NEGR1: variants seen among roughly 807,000 people sequenced by gnomAD.
NEGR1 encodes the protein neuronal growth regulator 1, also known as IgLON family member 4.
NEGR1 carries 10 observed loss-of-function variants against 40.9 expected under a neutral mutation model. The observed-to-expected ratio is 0.24, with a 90% CI of 0.15 to 0.42. The LOEUF is 0.42. NEGR1 is among the 10% of genes least tolerant of loss of function. The probability of loss-of-function intolerance (pLI) is 1.00; values close to 1 mark genes in which losing one functional copy is unlikely to be tolerated. For synonymous variants in NEGR1, 185 were observed against 166.8 expected (o/e 1.11, Z -0.84); for missense variants, 352 against 438.9 (o/e 0.80, Z 1.77).
At chr1:71,772,470 A>G (rs1183259350) in intron 3 of NEGR1, among the ~76,000 whole-genome samples, 4 of 152,150 alleles carry the variant, frequency 2.6e-5, no homozygotes, top group Non-Finnish European at 5.9e-5. Flanking sequence ...CAGTAATGAC[A>G]CTGAGAAATT....
intron 6 of NEGR1, among the ~76,000 whole-genome samples, chr1:71,447,092 C>A (rs1014782079): frequency 6.6e-6 from 1 of 152,212 alleles, no homozygotes; most frequent in African/African-American, 2.4e-5. Context: ...AGGAGGTGAG[C>A]AGCAGGAGAG....
chr1:71,636,588 T>A (rs1651159143), intron 4 of NEGR1, among the ~76,000 whole-genome samples: 1 of 152,046 alleles, frequency 6.6e-6, no homozygotes, highest in Non-Finnish European at 1.5e-5. Flanking sequence ...TTCCATAAGA[T>A]TCTATCAGGT....
chr1:71,415,041 A>G (rs1322077409), intron 6 of NEGR1, among the ~76,000 whole-genome samples: 2 of 152,094 alleles, frequency 1.3e-5, no homozygotes, highest in Admixed American at 6.6e-5. Flanking sequence ...AGTCAGGCAA[A>G]CAAGTGCACA....
intron 1 of NEGR1, among the ~76,000 whole-genome samples, chr1:72,187,370 A>T (rs1403753517): frequency 6.6e-6 from 1 of 151,534 alleles, no homozygotes; most frequent in Non-Finnish European, 1.5e-5. Context: ...ATCCTAACAC[A>T]GTATTCAAAA....
chr1:71,969,234 C>T (rs544035073), intron 1 of NEGR1, among the ~76,000 whole-genome samples: 41 of 152,184 alleles, frequency 2.7e-4, no homozygotes, highest in African/African-American at 8.2e-4. Context: ...AGGCTGGTCT[C>T]GAACACCTGA....
At chr1:72,230,552 C>T (rs1281684324) in intron 1 of NEGR1, among the ~76,000 whole-genome samples, 1 of 152,044 alleles carries the variant, frequency 6.6e-6, no homozygotes, top group Non-Finnish European at 1.5e-5. Context: ...AGCACTATGC[C>T]CTTTAGCTAG....
intron 4 of NEGR1, among the ~76,000 whole-genome samples, chr1:71,646,197 T>C (rs1362229930): frequency 6.6e-6 from 1 of 151,684 alleles, no homozygotes; most frequent in Non-Finnish European, 1.5e-5. Context: ...GTTTTGTACA[T>C]ATATACACAT....
intron 2 of NEGR1, among the ~76,000 whole-genome samples, chr1:71,849,680 G>T (rs112630677): frequency 0.015 from 2,325 of 152,118 alleles, 53 homozygotes; most frequent in South Asian, 0.1. Flanking sequence ...AATCTATGTG[G>T]CAAACTTGCT....
At chr1:72,003,927 T>C (rs1023741559) in intron 1 of NEGR1, among the ~76,000 whole-genome samples, 1 of 152,092 alleles carries the variant, frequency 6.6e-6, no homozygotes, top group Non-Finnish European at 1.5e-5. Context: ...CCATTTTCTA[T>C]GGAGAAAAGG....
chr1:71,680,241 G>A (rs1040967354), intron 4 of NEGR1, among the ~76,000 whole-genome samples: 2 of 151,934 alleles, frequency 1.3e-5, no homozygotes, highest in African/African-American at 4.8e-5. Context: ...AAGAACATCT[G>A]AGCTTTAAAT....
At chr1:71,825,903 C>T (rs1001829753) in intron 2 of NEGR1, among the ~76,000 whole-genome samples, 3 of 151,900 alleles carry the variant, frequency 2.0e-5, no homozygotes, top group Non-Finnish European at 4.4e-5. Context: ...TATTATTTAG[C>T]CTATCATTCA....
intron 2 of NEGR1, among the ~76,000 whole-genome samples, chr1:71,849,703 A>C (rs149649881): frequency 1.2e-3 from 181 of 152,302 alleles, no homozygotes; most frequent in African/African-American, 4.2e-3. Context: ...TTTTATTTTA[A>C]GAAATTGCCA....
chr1:71,431,560 GTTTATCCATTCATTCA>G (rs1646469537), intron 6 of NEGR1, among the ~76,000 whole-genome samples: 2 of 49,282 alleles, frequency 4.1e-5, no homozygotes, highest in Non-Finnish European at 1.1e-4. Context: ...CCATCCATCT[GTTTATCCATTCATTCA>G]TTCATTCATT....
intron 6 of NEGR1, among the ~76,000 whole-genome samples, chr1:71,503,771 C>T (rs1184017402): frequency 6.6e-6 from 1 of 151,990 alleles, no homozygotes; most frequent in Non-Finnish European, 1.5e-5. Context: ...TAGGACCCAG[C>T]TTTTACACAT....
chr1:72,094,536 C>T (rs1000583267), intron 1 of NEGR1, among the ~76,000 whole-genome samples: 1 of 152,124 alleles, frequency 6.6e-6, no homozygotes, highest in African/African-American at 2.4e-5. Flanking sequence ...CATAACTTAC[C>T]ACCAACAGAC....
intron 4 of NEGR1, among the ~76,000 whole-genome samples, chr1:71,671,532 C>T (rs2101600179): frequency 6.6e-6 from 1 of 152,204 alleles, no homozygotes; most frequent in East Asian, 1.9e-4. Context: ...AGGGAAAAAA[C>T]TATTTTAGGG....
rs59661633 is a variant in NEGR1 at position 72,195,909 on chromosome 1, G to A, written c.176+86410C>T. ...CTGATGTAAGTTTGGGGAAAACTGA[G>A]AGCAGTTTTGTAGACTCAACCCAAA... On this transcript the variant is annotated intron_variant, in intron 1 of 6. Transcript: ENST00000357731. Among the ~76,000 whole-genome samples, 161 of 152,094 alleles carry A rather than the reference G, an allele frequency of 1.1e-3. 1 individual carries two copies. The highest frequency in any genetic ancestry group is 3.6e-3 in the African/African-American group (149 of 41,500).
chr1:72,109,351 A>C (rs1245872464), intron 1 of NEGR1, among the ~76,000 whole-genome samples: 1 of 151,706 alleles, frequency 6.6e-6, no homozygotes, highest in Non-Finnish European at 1.5e-5. Flanking sequence ...GAGAAAGAAG[A>C]GTCATAAATA....
At chr1:72,064,847 T>C (rs1048709408) in intron 1 of NEGR1, among the ~76,000 whole-genome samples, 1 of 152,088 alleles carries the variant, frequency 6.6e-6, no homozygotes, top group Non-Finnish European at 1.5e-5. Flanking sequence ...CTTTCATTTT[T>C]TGGTTTATTT....
Sources: allele counts gnomAD v4.1 joint callset (sites outside exome capture counted in the v4.1 genomes callset), GRCh38; gene constraint gnomAD v4.1.1; transcripts MANE v1.5; gene names NCBI Gene and HGNC (gene_info 2026-07-23, HGNC 2026-07-21).